The following APP variants were observed in gnomAD, a reference collection of about 807,000 sequenced individuals.
The protein encoded by APP is amyloid-beta precursor protein.
APP carries 31 observed loss-of-function variants against 101.4 expected under a neutral mutation model. That is an observed-to-expected ratio of 0.31 (90% CI 0.23 to 0.41). The LOEUF (loss-of-function observed/expected upper bound fraction) is 0.41, where lower values mean the gene tolerates loss of function less well. APP is among the 10% of genes least tolerant of loss of function. The probability of loss-of-function intolerance (pLI) is 1.00; values close to 1 mark genes in which losing one functional copy is unlikely to be tolerated. For missense variants in APP, 839 were observed against 1,003.7 expected, an observed-to-expected ratio of 0.84 and a Z score of 2.22; for synonymous variants, 366 against 364.4, an observed-to-expected ratio of 1.00 and a Z score of -0.05.
chr21:26,081,711 T>C (rs1401999701), intron 3 of APP, among the ~76,000 whole-genome samples: 1 of 152,212 alleles, frequency 6.6e-6, no homozygotes, highest in Non-Finnish European at 1.5e-5. Flanking sequence ...TATATTATCA[T>C]ACTTTTTACC....
chr21:26,048,246 C>T (rs1006820922), intron 5 of APP, among the ~76,000 whole-genome samples: 20 of 152,018 alleles, frequency 1.3e-4, no homozygotes, highest in Non-Finnish European at 1.2e-4. Flanking sequence ...TCGCTTGAAC[C>T]CGGGAGGTGG....
At chr21:25,889,730 A>T (rs1270651572) in intron 17 of APP, among the ~76,000 whole-genome samples, 1 of 152,030 alleles carries the variant, frequency 6.6e-6, no homozygotes, top group Non-Finnish European at 1.5e-5. Context: ...AATCCCAGTT[A>T]CTCAGGAGGC....
At chr21:25,976,536 C>T (rs2146577744) in intron 9 of APP, among the ~76,000 whole-genome samples, 1 of 152,308 alleles carries the variant, frequency 6.6e-6, no homozygotes, top group African/African-American at 2.4e-5. Context: ...AAGAAGACTT[C>T]TGCTGTCTAA....
At chr21:26,034,071 G>A (rs983112377) in intron 5 of APP, among the ~76,000 whole-genome samples, 2 of 152,130 alleles carry the variant, frequency 1.3e-5, no homozygotes, top group Non-Finnish European at 2.9e-5. Flanking sequence ...AAACAGTGCT[G>A]CACTTTGTTG....
At chr21:26,083,383 G>A (rs1185935037) in intron 3 of APP, among the ~76,000 whole-genome samples, 1 of 152,110 alleles carries the variant, frequency 6.6e-6, no homozygotes, top group Non-Finnish European at 1.5e-5. Context: ...TAATTTCACA[G>A]GTAGAGTATT....
At chr21:25,985,603 C>T (rs1601117233) in intron 8 of APP, among the ~76,000 whole-genome samples, 1 of 152,270 alleles carries the variant, frequency 6.6e-6, no homozygotes, top group South Asian at 2.1e-4. Context: ...CTCCAACTTG[C>T]AGACAACAGA....
At chr21:25,926,037 T>C (rs780521199) in intron 13 of APP, among the ~76,000 whole-genome samples, 16 of 152,186 alleles carry the variant, frequency 1.1e-4, no homozygotes. Context: ...GAAACAATAC[T>C]GCCAGGGGAA....
At chr21:26,096,238 C>A (rs75078377) in intron 2 of APP, among the ~76,000 whole-genome samples, 3 of 152,202 alleles carry the variant, frequency 2.0e-5, no homozygotes, top group African/African-American at 4.8e-5. Context: ...CAGTGTGCCT[C>A]ACATCGCTAT....
chr21:25,972,764 A>G (rs1315015058), intron 11 of APP, among the ~76,000 whole-genome samples: 3 of 152,154 alleles, frequency 2.0e-5, no homozygotes, highest in Non-Finnish European at 4.4e-5. Context: ...GATCTGCGCA[A>G]AGAGTTTACA....
At chr21:26,127,076 C>T (rs774192896) in intron 1 of APP, among the ~76,000 whole-genome samples, 1 of 151,856 alleles carries the variant, frequency 6.6e-6, no homozygotes, top group Non-Finnish European at 1.5e-5. Flanking sequence ...CAGAAGATTG[C>T]CCCATAATTA....
intron 1 of APP, among the ~76,000 whole-genome samples, chr21:26,155,108 G>T (rs1471749664): frequency 6.6e-6 from 1 of 152,110 alleles, no homozygotes; most frequent in African/African-American, 2.4e-5. Context: ...AAAATTAGCT[G>T]GGTGTGATGG....
chr21:25,889,274 G>C (rs2037537640), intron 17 of APP, among the ~76,000 whole-genome samples: 1 of 152,212 alleles, frequency 6.6e-6, no homozygotes, highest in Non-Finnish European at 1.5e-5. Context: ...TTAGGACACA[G>C]CAGAAAAACA....
intron 3 of APP, among the ~76,000 whole-genome samples, chr21:26,071,568 A>G (rs1017039190): frequency 2.6e-5 from 4 of 152,206 alleles, no homozygotes; most frequent in African/African-American, 9.6e-5. Flanking sequence ...GTTAACCCTT[A>G]TTTCAAATAA....
intron 1 of APP, among the ~76,000 whole-genome samples, chr21:26,129,513 AGGTGAACTAAATCAT>A (rs1254374685): frequency 6.6e-6 from 1 of 152,172 alleles, no homozygotes; most frequent in Non-Finnish European, 1.5e-5. Flanking sequence ...TAAACTATAC[AGGTGAACTAAATCAT>A]GGTGGTTTGT....
chr21:26,052,649 G>T (rs1230892179), intron 4 of APP, among the ~76,000 whole-genome samples: 1 of 152,182 alleles, frequency 6.6e-6, no homozygotes, highest in Non-Finnish European at 1.5e-5. Context: ...GGTAGGCATG[G>T]CCTGCTGAAT....
intron 11 of APP, among the ~76,000 whole-genome samples, chr21:25,960,676 CT>C (rs1366889246): frequency 1.3e-5 from 2 of 152,160 alleles, no homozygotes; most frequent in Non-Finnish European, 2.9e-5. Context: ...ATAATGAGAC[CT>C]GGGAAACCCC....
intron 5 of APP, among the ~76,000 whole-genome samples, chr21:26,041,947 T>C (rs572027206): frequency 0.028 from 3 of 108 alleles, no homozygotes; most frequent in African/African-American, 0.083. Flanking sequence ...TATTTCAGTA[T>C]AGACAGTCAG....
At chr21:25,907,797 T>C (rs2038869019) in intron 14 of APP, among the ~76,000 whole-genome samples, 1 of 152,194 alleles carries the variant, frequency 6.6e-6, no homozygotes, top group African/African-American at 2.4e-5. Context: ...GTTTTACATA[T>C]AGATAAGAGG....
intron 5 of APP, among the ~76,000 whole-genome samples, chr21:26,032,801 A>ATATATAT (rs1555851810): frequency 1.6e-5 from 2 of 128,288 alleles, no homozygotes; most frequent in African/African-American, 6.0e-5. Context: ...TTAGAAAAAA[A>ATATATAT]AAAAATATAT....
Sources: gnomAD v4.1 joint callset for allele counts (sites outside exome capture counted in the v4.1 genomes callset) on GRCh38, gnomAD v4.1.1 for gene constraint, MANE v1.5 for transcripts, NCBI Gene and HGNC (gene_info 2026-07-23, HGNC 2026-07-21) for gene names.